SLC8A1: variants seen among roughly 807,000 people sequenced by gnomAD.
SLC8A1 encodes the protein solute carrier family 8 member A1.
In SLC8A1, 18 loss-of-function variants were observed where a neutral mutation model predicts 68.3. That is an observed-to-expected ratio of 0.26 (90% CI 0.18 to 0.39). The LOEUF (loss-of-function observed/expected upper bound fraction) is 0.39. Ranked by LOEUF, SLC8A1 falls within the 10% of genes least tolerant of loss-of-function variation. The probability of loss-of-function intolerance (pLI) is 1.00; values close to 1 mark genes in which losing one functional copy is unlikely to be tolerated. For synonymous variants in SLC8A1, 475 were observed against 415.5 expected, an observed-to-expected ratio of 1.14 and a Z score of -1.74; for missense variants, 985 against 1,156.7, an observed-to-expected ratio of 0.85 and a Z score of 2.15.
intron 2 of SLC8A1, among the ~76,000 whole-genome samples, chr2:40,384,939 A>T (rs1034720876): frequency 6.6e-6 from 1 of 152,100 alleles, no homozygotes; most frequent in African/African-American, 2.4e-5. Context: ...TGCATAATCA[A>T]GGTCAAATCT....
chr2:40,257,195 T>A lies in SLC8A1; in HGVS notation c.1809-79340A>T, dbSNP rs543799528. On this transcript the variant is annotated intron_variant, in intron 2 of 7. Coordinates refer to ENST00000406785, the Ensembl canonical transcript of SLC8A1. ...GCATGATGAAAATCATTTTCAGATCTTAGCTCATTGGAAAAAAGTAAAGAT... is the reference window on the plus strand; with the variant it reads ...GCATGATGAAAATCATTTTCAGATCATAGCTCATTGGAAAAAAGTAAAGAT... Among the ~76,000 whole-genome samples the A allele has an allele frequency of 5.3e-5, 8 of 152,282 alleles. No individual in the cohort carries two copies. The South Asian group carries it at 1.5e-3, about 28-fold the overall frequency.
intron 2 of SLC8A1, among the ~76,000 whole-genome samples, chr2:40,349,167 A>G (rs1013879519): frequency 6.6e-6 from 1 of 152,156 alleles, no homozygotes; most frequent in Admixed American, 6.6e-5. Flanking sequence ...AAACAGACAC[A>G]ATTTGAGCAC....
intron 7 of SLC8A1, among the ~76,000 whole-genome samples, chr2:40,117,726 T>TCCTG (rs2035796377): frequency 6.6e-6 from 1 of 152,168 alleles, no homozygotes; most frequent in African/African-American, 2.4e-5. Context: ...CCTCCTGAGG[T>TCCTG]CCTGGGCATG....
At chr2:40,419,921 A>C (rs951937914) in intron 2 of SLC8A1, among the ~76,000 whole-genome samples, 2 of 152,166 alleles carry the variant, frequency 1.3e-5, no homozygotes, top group African/African-American at 2.4e-5. Context: ...TAGACCAATA[A>C]TTTGCCGGCA....
At chr2:40,483,995 A>G (rs1007970845) in intron 1 of SLC8A1, among the ~76,000 whole-genome samples, 1 of 152,200 alleles carries the variant, frequency 6.6e-6, no homozygotes, top group Non-Finnish European at 1.5e-5. Context: ...CTTAGTCCTA[A>G]TGGATACAAA....
At chr2:40,355,096 C>A (rs886272625) in intron 2 of SLC8A1, among the ~76,000 whole-genome samples, 5 of 152,042 alleles carry the variant, frequency 3.3e-5, no homozygotes, top group African/African-American at 1.2e-4. Flanking sequence ...ATTGCAAGAA[C>A]TGAAAAAGCC....
intron 2 of SLC8A1, among the ~76,000 whole-genome samples, chr2:40,204,956 C>A (rs1043044301): frequency 2.0e-5 from 3 of 151,930 alleles, no homozygotes; most frequent in Non-Finnish European, 2.9e-5. Flanking sequence ...TGAGATGTGC[C>A]ATTCCATCTT....
At chr2:40,238,206 C>G (rs1040905737) in intron 2 of SLC8A1, among the ~76,000 whole-genome samples, 2 of 152,002 alleles carry the variant, frequency 1.3e-5, no homozygotes, top group Middle Eastern at 3.4e-3. Context: ...CCCCCAGCCT[C>G]GCTGCCGCCT....
intron 2 of SLC8A1, among the ~76,000 whole-genome samples, chr2:40,256,435 C>G (rs1015879177): frequency 4.0e-5 from 6 of 151,710 alleles, no homozygotes; most frequent in Non-Finnish European, 7.4e-5. Context: ...ATTTACATGA[C>G]AAAAAAAATG....
intron 6 of SLC8A1, among the ~76,000 whole-genome samples, chr2:40,150,587 G>C (rs1026497320): frequency 6.6e-6 from 1 of 152,194 alleles, no homozygotes; most frequent in African/African-American, 2.4e-5. Context: ...ATTGTTTGCA[G>C]AGCAGAGCTG....
At chr2:40,508,062 G>A (rs1706481446) in intron 1 of SLC8A1, among the ~76,000 whole-genome samples, 1 of 152,040 alleles carries the variant, frequency 6.6e-6, no homozygotes, top group Non-Finnish European at 1.5e-5. Flanking sequence ...AATTGGCAAT[G>A]GTTCTTAGAA....
chr2:40,098,817 A>T (rs893507925), exon 8 of SLC8A1: 1 of 151,998 alleles, frequency 6.6e-6, no homozygotes, highest in Admixed American at 6.6e-5. Flanking sequence ...AAAGTTAGAG[A>T]ATGTTAGGGT....
upstream of SLC8A1, among the ~76,000 whole-genome samples, chr2:40,453,703 G>A (rs1702817860): frequency 6.6e-6 from 1 of 152,198 alleles, no homozygotes; most frequent in Admixed American, 6.5e-5. Flanking sequence ...GAGAACCACT[G>A]CTCTAGGCCA....
intron 2 of SLC8A1, among the ~76,000 whole-genome samples, chr2:40,385,694 C>T (rs1683339020): frequency 6.6e-6 from 1 of 151,258 alleles, no homozygotes; most frequent in Non-Finnish European, 1.5e-5. Flanking sequence ...GAGCAGTTTG[C>T]TAAAGTGTAC....
chr2:40,349,191 T>A (rs1425323982), intron 2 of SLC8A1, among the ~76,000 whole-genome samples: 1 of 152,116 alleles, frequency 6.6e-6, no homozygotes, highest in Admixed American at 6.6e-5. Flanking sequence ...ACAAATGTGG[T>A]ATAAGCCTGT....
chr2:40,375,916 G>A (rs893095796), intron 2 of SLC8A1, among the ~76,000 whole-genome samples: 3 of 152,008 alleles, frequency 2.0e-5, no homozygotes, highest in Admixed American at 6.6e-5. Flanking sequence ...TGGGAGAGTC[G>A]CTTGAGCTTA....
At chr2:40,333,073 A>C (rs184626897) in intron 2 of SLC8A1, among the ~76,000 whole-genome samples, 201 of 152,354 alleles carry the variant, frequency 1.3e-3, no homozygotes, top group African/African-American at 4.6e-3. Flanking sequence ...AACTGGATTA[A>C]AAATTGATTC....
chr2:40,329,998 G>A (rs1046568963), intron 2 of SLC8A1, among the ~76,000 whole-genome samples: 2 of 152,176 alleles, frequency 1.3e-5, no homozygotes, highest in African/African-American at 4.8e-5. Flanking sequence ...AAGAGCAGGA[G>A]CTGAAACTTC....
exon 2 of SLC8A1, chr2:40,429,686 T>G (rs1246396805): frequency 6.2e-7 from 1 of 1,613,828 alleles, no homozygotes; most frequent in South Asian, 1.1e-5. Context: ...CGCAAATGCT[T>G]AATCTTCCTT....
Sources: allele counts gnomAD v4.1 joint callset (sites outside exome capture counted in the v4.1 genomes callset), GRCh38; gene constraint gnomAD v4.1.1; transcripts MANE v1.5; gene names NCBI Gene and HGNC (gene_info 2026-07-23, HGNC 2026-07-21).